ARHGAP28: variants seen among roughly 807,000 people sequenced by gnomAD.
ARHGAP28 encodes rho GTPase-activating protein 28.
Under a neutral mutation model 90.7 loss-of-function variants are expected in ARHGAP28, and 56 were observed. The ratio of observed to expected loss-of-function variants is 0.62; its 90% CI spans 0.50 to 0.77. The LOEUF is 0.77. Among genes scored for constraint, ARHGAP28 ranks in the 30% least tolerant of loss-of-function variants. The pLI, the probability that ARHGAP28 is intolerant of heterozygous loss-of-function variation, is 0.00. For missense variants in ARHGAP28, 869 were observed against 900.9 expected, an observed-to-expected ratio of 0.96 and a Z score of 0.45; for synonymous variants, 308 against 323.3, an observed-to-expected ratio of 0.95 and a Z score of 0.51.
At chr18:6,770,637 A>G (rs1287864677) in intron 1 of ARHGAP28, among the ~76,000 whole-genome samples, 1 of 152,202 alleles carries the variant, frequency 6.6e-6, no homozygotes, top group Non-Finnish European at 1.5e-5. Flanking sequence ...TTGTCAAGCC[A>G]GAGGCTACTT....
chr18:6,828,535 C>A (rs1351028840), intron 2 of ARHGAP28, among the ~76,000 whole-genome samples: 2 of 152,196 alleles, frequency 1.3e-5, no homozygotes, highest in Non-Finnish European at 2.9e-5. Context: ...ACATTTTCTT[C>A]TAGCATTTTT....
At chr18:6,829,078 A>C (rs977019841) in intron 2 of ARHGAP28, among the ~76,000 whole-genome samples, 3 of 152,206 alleles carry the variant, frequency 2.0e-5, no homozygotes, top group African/African-American at 7.2e-5. Flanking sequence ...GCCCCACCAC[A>C]CATGTAACGA....
chr18:6,771,696 C>A (rs987750142), intron 1 of ARHGAP28, among the ~76,000 whole-genome samples: 3 of 152,210 alleles, frequency 2.0e-5, no homozygotes, highest in Non-Finnish European at 4.4e-5. Context: ...GAAGGCCCAA[C>A]ACTAAATACC....
chr18:6,868,966 C>T (rs1206185033), intron 6 of ARHGAP28, among the ~76,000 whole-genome samples: 1 of 151,870 alleles, frequency 6.6e-6, no homozygotes, highest in Non-Finnish European at 1.5e-5. Context: ...CTCAATAAAG[C>T]TGATAAGAAA....
intron 1 of ARHGAP28, among the ~76,000 whole-genome samples, chr18:6,764,556 G>T (rs950533072): frequency 1.1e-4 from 17 of 152,170 alleles, no homozygotes; most frequent in African/African-American, 4.1e-4. Flanking sequence ...CCCTGACATT[G>T]TTGTAATAAC....
At chr18:6,730,006 A>C in intron 1 of ARHGAP28, 63 bp downstream of exon 1, 1 of 1,287,916 alleles carries the variant, frequency 7.8e-7, no homozygotes, top group Non-Finnish European at 9.8e-7. Flanking sequence ...TTCGCCGTGC[A>C]GCTGCGCCTT....
intron 10 of ARHGAP28, among the ~76,000 whole-genome samples, chr18:6,878,335 G>A (rs1461432775): frequency 7.4e-6 from 1 of 135,880 alleles, no homozygotes; most frequent in Non-Finnish European, 1.6e-5. Context: ...TCACACTCTG[G>A]GGACTGTTGT....
At chr18:6,807,808 C>G (rs1467086283) in intron 1 of ARHGAP28, among the ~76,000 whole-genome samples, 1 of 152,180 alleles carries the variant, frequency 6.6e-6, no homozygotes, top group Non-Finnish European at 1.5e-5. Context: ...TCACCAGTAT[C>G]CTGTTATGTG....
At chr18:6,839,326 C>G (rs959634466) in intron 3 of ARHGAP28, among the ~76,000 whole-genome samples, 6 of 148,028 alleles carry the variant, frequency 4.1e-5, no homozygotes, top group Admixed American at 3.4e-4. Flanking sequence ...CAGCGTCTCG[C>G]TCTGTCGCCC....
intron 1 of ARHGAP28, among the ~76,000 whole-genome samples, chr18:6,766,689 A>G (rs1360979183): frequency 6.6e-6 from 1 of 152,006 alleles, no homozygotes; most frequent in Non-Finnish European, 1.5e-5. Flanking sequence ...TTCTCTGATC[A>G]TAGGTTTCAG....
At chr18:6,815,290 C>T (rs996710254) in intron 1 of ARHGAP28, among the ~76,000 whole-genome samples, 3 of 152,210 alleles carry the variant, frequency 2.0e-5, no homozygotes, top group African/African-American at 7.2e-5. Flanking sequence ...GACTGTTAGC[C>T]TTTGCTAAAA....
At chr18:6,765,789 C>G (rs1026943713) in intron 1 of ARHGAP28, among the ~76,000 whole-genome samples, 1 of 152,058 alleles carries the variant, frequency 6.6e-6, no homozygotes, top group African/African-American at 2.4e-5. Flanking sequence ...TTAGCTGCAT[C>G]CCATATATAT....
intron 3 of ARHGAP28, among the ~76,000 whole-genome samples, chr18:6,840,101 C>A (rs2056793882): frequency 6.6e-6 from 1 of 152,134 alleles, no homozygotes; most frequent in South Asian, 2.1e-4. Context: ...CTAGTAGACT[C>A]CAGCTGGTGG....
chr18:6,824,014 CCAA>C (rs2056643845), intron 1 of ARHGAP28, among the ~76,000 whole-genome samples: 1 of 152,172 alleles, frequency 6.6e-6, no homozygotes, highest in Admixed American at 6.5e-5. Context: ...TACCTGTTCA[CCAA>C]CGCTTGTGAT....
chr18:6,854,616 G>A (rs916922864), intron 4 of ARHGAP28, among the ~76,000 whole-genome samples: 3 of 152,104 alleles, frequency 2.0e-5, no homozygotes, highest in African/African-American at 4.8e-5. Context: ...CTGTGAAGAC[G>A]CCGGCTACAG....
chr18:6,764,185 C>T (rs1195355244), intron 1 of ARHGAP28, among the ~76,000 whole-genome samples: 1 of 152,108 alleles, frequency 6.6e-6, no homozygotes, highest in Non-Finnish European at 1.5e-5. Flanking sequence ...GAAAAAAGAA[C>T]ATGAATTGGT....
intron 17 of ARHGAP28, among the ~76,000 whole-genome samples, chr18:6,910,999 C>T (rs1447351216): frequency 4.6e-5 from 7 of 152,008 alleles, no homozygotes; most frequent in African/African-American, 9.7e-5. Context: ...CGCCCATCAC[C>T]ACGCCCGGCT....
chr18:6,841,182 T>TCTCTCTCTCTCTCTCTCTCCTCTC (rs1567966584), intron 3 of ARHGAP28, among the ~76,000 whole-genome samples: 2 of 44,238 alleles, frequency 4.5e-5, no homozygotes, highest in East Asian at 1.7e-3. Context: ...CTCTCTCTCC[T>TCTCTCTCTCTCTCTCTCTCCTCTC]CTCTCTCTCT....
At chr18:6,755,888 T>C (rs948835072) in intron 1 of ARHGAP28, among the ~76,000 whole-genome samples, 4 of 152,230 alleles carry the variant, frequency 2.6e-5, no homozygotes, top group Admixed American at 2.6e-4. Context: ...TTGGTTCATA[T>C]ATAGAATCAC....
Sources: allele counts gnomAD v4.1 joint callset (sites outside exome capture counted in the v4.1 genomes callset), GRCh38; gene constraint gnomAD v4.1.1; transcripts MANE v1.5; gene names NCBI Gene and HGNC (gene_info 2026-07-23, HGNC 2026-07-21).